VPS35L: variants seen among roughly 807,000 people sequenced by gnomAD.
The protein encoded by VPS35L is VPS35 endosomal protein-sorting factor-like.
A neutral mutation model predicts 133.0 loss-of-function variants in VPS35L; 83 were observed. The ratio of observed to expected loss-of-function variants is 0.62; its 90% confidence interval spans 0.52 to 0.75. The LOEUF is 0.75. Ranked by LOEUF, VPS35L falls within the 30% of genes least tolerant of loss-of-function variation. The pLI, the probability that VPS35L is intolerant of heterozygous loss-of-function variation, is 0.00. For synonymous variants in VPS35L, 423 were observed against 449.9 expected (o/e 0.94, Z 0.76); for missense variants, 1,083 against 1,206.8 (o/e 0.90, Z 1.52).
chr16:19,593,936 A>AG (rs1972122179), intron 8 of VPS35L, among the ~76,000 whole-genome samples: 1 of 151,142 alleles, frequency 6.6e-6, no homozygotes, highest in African/African-American at 2.4e-5. Flanking sequence ...AAAAGAAAAG[A>AG]GAAAAAAAAA....
At chr16:19,622,210 T>G (rs190203883) in intron 14 of VPS35L, among the ~76,000 whole-genome samples, 10 of 144,934 alleles carry the variant, frequency 6.9e-5, no homozygotes, top group Admixed American at 4.4e-4. Context: ...AATGGCCCGA[T>G]CTCCACTCAT....
chr16:19,635,735 C>A (rs1004459630), intron 19 of VPS35L, among the ~76,000 whole-genome samples: 1 of 152,150 alleles, frequency 6.6e-6, no homozygotes, highest in Non-Finnish European at 1.5e-5. Flanking sequence ...AATCTACTCT[C>A]ATATAGTTCA....
chr16:19,658,279 C>T (rs1446894469), intron 26 of VPS35L, among the ~76,000 whole-genome samples: 1 of 152,124 alleles, frequency 6.6e-6, no homozygotes, highest in Non-Finnish European at 1.5e-5. Flanking sequence ...CCTGTAATCC[C>T]AGCACTTTGG....
intron 9 of VPS35L, among the ~76,000 whole-genome samples, chr16:19,606,436 G>A (rs899105797): frequency 1.1e-4 from 16 of 151,978 alleles, no homozygotes; most frequent in African/African-American, 3.6e-4. Flanking sequence ...GATCTAGGCT[G>A]GAAAGGGGAA....
rs1349237416 is a variant in VPS35L at position 19,682,390 on chromosome 16, G to A, written c.2527G>A (p.Val843Met). 6.2e-7 allele frequency: 1 copy of A among 1,613,700 alleles called. No homozygotes were observed. Among genetic ancestry groups the A allele is most frequent in the South Asian group, 1.1e-5 (1 of 91,060 alleles). Residue 843 changes from valine (V) to methionine (M), a missense_variant and splice_region_variant, in exon 28 of 31, where the codon GTG becomes ATG. Coordinates refer to ENST00000417362, the MANE Select transcript of VPS35L (RefSeq NM_020314.7). ...QETYLYHIDK[V>M]DSNDSLYGGD... ...GACGTACCTTTACCACATAGACAAA[G>A]GTAGCAGAGCCTCCCCCACCAAACC...
At chr16:19,661,733 G>A (rs971508127) in intron 26 of VPS35L, among the ~76,000 whole-genome samples, 7 of 152,180 alleles carry the variant, frequency 4.6e-5, no homozygotes, top group South Asian at 2.1e-4. Context: ...CCCACAGTGT[G>A]TGTATCACCC....
At chr16:19,568,700 C>CGTGCTTGG (rs1286105187) in intron 2 of VPS35L, among the ~76,000 whole-genome samples, 1 of 152,138 alleles carries the variant, frequency 6.6e-6, no homozygotes. Context: ...GCTTGGAGTG[C>CGTGCTTGG]AGTGGTGCGA....
chr16:19,610,275 G>A (rs754994548), intron 11 of VPS35L, 47 bp from the exon 12 acceptor site: 8 of 1,477,334 alleles, frequency 5.4e-6, no homozygotes, highest in South Asian at 1.2e-5. Flanking sequence ...AAAGAACAGC[G>A]AGTTCTCACG....
At chr16:19,624,310 C>T (rs920906035) in intron 14 of VPS35L, among the ~76,000 whole-genome samples, 5 of 151,632 alleles carry the variant, frequency 3.3e-5, no homozygotes, top group African/African-American at 4.8e-5. Context: ...TGACTGGGCG[C>T]GGTGGCTCAC....
Position 19,626,184 on chromosome 16 carries a change from T to A in VPS35L, c.1232T>A (p.Leu411Gln). 6.3e-7 allele frequency: 1 copy of A among 1,595,456 alleles called. No homozygotes were observed. Among genetic ancestry groups the A allele is most frequent in the South Asian group, 1.1e-5 (1 of 89,636 alleles). Residue 411 changes from leucine to glutamine, a missense_variant, in exon 15 of 31, where the codon CTG becomes CAG. By Grantham distance (113) the Leu-to-Gln change is moderately radical. Transcript: ENST00000417362. ...CISYHAPEAL[L>Q]TEMMERCKKL... Reference sequence around the variant, plus strand: ...TTATTTTTAACATAATAGGCTCTGCTGACCGAGATGATGGAAAGGTGTAAG... The same window carrying A: ...TTATTTTTAACATAATAGGCTCTGCAGACCGAGATGATGGAAAGGTGTAAG...
Position 19,591,791 on chromosome 16 carries a change from G to T in VPS35L, c.641G>T (p.Cys214Phe). 3 of 1,610,148 alleles carry T rather than the reference G, an allele frequency of 1.9e-6. No homozygotes were observed. Among genetic ancestry groups the T allele is most frequent in the Non-Finnish European group, 1.7e-6 (2 of 1,176,972 alleles). The change falls in exon 8 of 31, where the codon TGT (cysteine) becomes TTT (phenylalanine). Residue 214 changes from cysteine to phenylalanine, a missense_variant and splice_region_variant. Cys to Phe is a radical substitution (Grantham distance 205). Coordinates refer to ENST00000417362, the MANE Select transcript of VPS35L (RefSeq NM_020314.7). The part of the protein sequence containing the change: ...KVKALKIVIQ[C>F]SKLLSDTSVI... The stretch of plus-strand genomic sequence containing the variant: ...TTCTCTTTTTTTCTCTTTTTTTAGT[G>T]TTCAAAGCTTCTTTCAGACACCAGT...
intron 24 of VPS35L, among the ~76,000 whole-genome samples, chr16:19,650,162 C>T (rs1049564089): frequency 6.6e-6 from 1 of 152,172 alleles, no homozygotes. Context: ...GTAGCCAACA[C>T]TGCCTTTTGT....
At chr16:19,616,986 A>G (rs1301871744) in intron 14 of VPS35L, 178 bp downstream of exon 14, 2 of 915,382 alleles carry the variant, frequency 2.2e-6, no homozygotes, top group Middle Eastern at 2.2e-4. Flanking sequence ...CTTTTCTGAG[A>G]TAGTCTCATT....
chr16:19,562,995 G>A (rs914676549), intron 1 of VPS35L, among the ~76,000 whole-genome samples: 3 of 151,970 alleles, frequency 2.0e-5, no homozygotes, highest in African/African-American at 7.3e-5. Context: ...AAACTCCTGG[G>A]CTCAAGCAGT....
chr16:19,655,374 G>A (rs1469835484), intron 26 of VPS35L, among the ~76,000 whole-genome samples: 1 of 152,336 alleles, frequency 6.6e-6, no homozygotes, highest in East Asian at 1.9e-4. Context: ...TACTGAGAAT[G>A]AGAAGGCTAA....
rs1973525146 is a variant in VPS35L, at chr16:19,633,527, T to G, written c.1635+355T>G. 6.6e-6 allele frequency among the ~76,000 whole-genome samples: 1 copy of G among 151,870 alleles called. No homozygotes were observed. Among genetic ancestry groups the G allele is most frequent in the South Asian group, 2.1e-4 (1 of 4,826 alleles). ...AGTTAAATCAACTTTGTTTTTTCCT[T>G]TTTTTTTGAAACAGGGTCTCGCTCA... On this transcript the variant is annotated intron_variant, in intron 19 of 30. Coordinates refer to ENST00000417362, the MANE Select transcript of VPS35L (RefSeq NM_020314.7). This position sits in a 1 kb window ranked among gnomAD's most constrained non-coding sequence, Gnocchi z 4.1.
At chr16:19,614,872 A>G (rs569148077) in intron 12 of VPS35L, among the ~76,000 whole-genome samples, 1 of 152,300 alleles carries the variant, frequency 6.6e-6, no homozygotes, top group South Asian at 2.1e-4. Flanking sequence ...CACCTTCTCT[A>G]TGATTAGTAA....
chr16:19,593,154 C>T (rs751793714), intron 8 of VPS35L, among the ~76,000 whole-genome samples: 10 of 152,158 alleles, frequency 6.6e-5, no homozygotes, highest in Non-Finnish European at 7.3e-5. Flanking sequence ...CAGGAGGCCC[C>T]TGTGCTGCTT....
intron 26 of VPS35L, among the ~76,000 whole-genome samples, chr16:19,662,462 T>TGCCTGACTACA (rs1209425861): frequency 6.6e-6 from 1 of 152,228 alleles, no homozygotes; most frequent in East Asian, 1.9e-4. Context: ...GAGGCTCTGC[T>TGCCTGACTACA]GCCTGACTAC....
Sources: allele counts gnomAD v4.1 joint callset (sites outside exome capture counted in the v4.1 genomes callset), GRCh38; gene constraint gnomAD v4.1.1; non-coding constraint Gnocchi (gnomAD v3.1); transcripts MANE v1.5; gene names NCBI Gene and HGNC (gene_info 2026-07-23, HGNC 2026-07-21).